Variants in DESI2 observed in about 807,000 individuals in gnomAD.
DESI2 encodes deubiquitinase DESI2.
Under a neutral mutation model 24.1 loss-of-function variants are expected in DESI2, and 10 were observed. The observed-to-expected ratio is 0.41, with a 90% CI of 0.26 to 0.70. The LOEUF is 0.70. Among genes scored for constraint, DESI2 ranks in the 30% least tolerant of loss-of-function variants. The pLI is 0.29. For synonymous variants in DESI2, 71 were observed against 87.7 expected, an observed-to-expected ratio of 0.81 and a Z score of 1.06; for missense variants, 122 against 234.9, an observed-to-expected ratio of 0.52 and a Z score of 3.14.
rs145938523 is a variant in DESI2 at position 244,674,024 on chromosome 1, T to C, written c.43-12573T>C. ...TTTTTTTTTTTTTTGAGACGGAGTCTTGCTCTGTTGCCCAGGCTGGAGTAC... is the reference window on the plus strand; with the variant it reads ...TTTTTTTTTTTTTTGAGACGGAGTCCTGCTCTGTTGCCCAGGCTGGAGTAC... On this transcript the variant is annotated intron_variant, in intron 1 of 4. Coordinates refer to ENST00000302550, the MANE Select transcript of DESI2 (RefSeq NM_016076.5). Among the ~76,000 whole-genome samples, 427 of 138,564 alleles carry C rather than the reference T, an allele frequency of 3.1e-3. 12 individuals are homozygous for C. The East Asian group carries it at 0.06, about 20-fold the overall frequency. The allele number at this position is 138,564 out of a possible 152,430, so 90.9% of individuals were successfully genotyped here. A position where few individuals can be genotyped will look rare whatever the true frequency, so the allele number is the denominator to read the frequency against.
intron 1 of DESI2, among the ~76,000 whole-genome samples, chr1:244,684,397 T>G (rs149335629): frequency 4.2e-4 from 64 of 152,352 alleles, no homozygotes; most frequent in African/African-American, 1.5e-3. Flanking sequence ...TGTTAACAGT[T>G]GAACACAGGT....
At chr1:244,691,064 T>C (rs1677009109) in intron 3 of DESI2, among the ~76,000 whole-genome samples, 1 of 152,232 alleles carries the variant, frequency 6.6e-6, no homozygotes, top group Admixed American at 6.5e-5. Context: ...CTGTCGCCTT[T>C]CCAAGGTAGT....
Position 244,704,567 on chromosome 1 carries a change from T to C in DESI2, c.352-989T>C, listed in dbSNP as rs367626837. Among the ~76,000 whole-genome samples the C allele has an allele frequency of 1.7e-4, 26 of 152,298 alleles. No homozygotes were observed. In the East Asian group the frequency reaches 3.1e-3, roughly 18 times the overall value. On this transcript the variant is annotated intron_variant, in intron 4 of 4. Transcript: ENST00000302550. ...ACTTGTATTCTATCCCGCTAGTGTC[T>C]TCAGACTGAAGCATGGCCAGGCTTC... is the stretch of plus-strand genomic sequence containing the variant.
intron 4 of DESI2, among the ~76,000 whole-genome samples, chr1:244,704,515 C>T (rs1193163690): frequency 3.4e-5 from 5 of 145,488 alleles, no homozygotes; most frequent in African/African-American, 5.1e-5. Context: ...AGCAGCAGAT[C>T]ATCAGCGGGC....
chr1:244,668,771 A>T (rs1483458400), intron 1 of DESI2, among the ~76,000 whole-genome samples: 1 of 152,236 alleles, frequency 6.6e-6, no homozygotes, highest in Non-Finnish European at 1.5e-5. Flanking sequence ...GAAGAATAAC[A>T]TGACAGTAAT....
At chr1:244,690,768 G>A (rs1676998248) in intron 3 of DESI2, among the ~76,000 whole-genome samples, 1 of 151,894 alleles carries the variant, frequency 6.6e-6, no homozygotes, top group Non-Finnish European at 1.5e-5. Context: ...TAAACTTCTG[G>A]GCCTATAATA....
intron 4 of DESI2, among the ~76,000 whole-genome samples, chr1:244,693,790 T>C (rs890852143): frequency 1.4e-4 from 21 of 152,214 alleles, no homozygotes; most frequent in African/African-American, 5.1e-4. Context: ...CAAGGTTACC[T>C]AGCCTGTTGG....
At position 244,708,353 on chromosome 1, in the gene DESI2, G is replaced by A. The variant is rs1168816738; in HGVS notation, c.*2564G>A. On this transcript the variant is annotated 3_prime_UTR_variant, in exon 5 of 5. Coordinates refer to ENST00000302550, the MANE Select transcript of DESI2 (RefSeq NM_016076.5). ...ACAAGGGGAGCATCAGCTTTGGAAA[G>A]TGTGACTCTGTAGGAGTGTAGAAGG... 1 of 152,632 alleles carries A rather than the reference G, an allele frequency of 6.6e-6. No homozygotes were observed. Among genetic ancestry groups the A allele is most frequent in the Non-Finnish European group, 1.5e-5 (1 of 68,042 alleles). The allele number at this position is 152,632 out of a possible 1,614,324, so 9.5% of individuals were successfully genotyped here.
At chr1:244,703,000 CTTTT>C (rs72210181) in intron 4 of DESI2, among the ~76,000 whole-genome samples, 19 of 131,630 alleles carry the variant, frequency 1.4e-4, no homozygotes, top group African/African-American at 4.3e-4. Context: ...TTTGCCAGCG[CTTTT>C]TTTTTTTTTT....
At chr1:244,683,662 C>T (rs1676712086) in intron 1 of DESI2, among the ~76,000 whole-genome samples, 1 of 151,970 alleles carries the variant, frequency 6.6e-6, no homozygotes, top group Non-Finnish European at 1.5e-5. Context: ...ACAAATATAT[C>T]CTGGAAATTA....
chr1:244,704,704 G>A (rs920353692), intron 4 of DESI2, among the ~76,000 whole-genome samples: 1 of 152,166 alleles, frequency 6.6e-6, no homozygotes, highest in Non-Finnish European at 1.5e-5. Context: ...TGTTGCCTAG[G>A]CTGGAGTGCA....
intron 1 of DESI2, chr1:244,653,604 G>A: frequency 1.9e-6 from 1 of 523,940 alleles, no homozygotes; most frequent in South Asian, 2.6e-5. Flanking sequence ...TCTCCCATCC[G>A]CTCAGCTTGG....
chr1:244,667,343 C>T (rs1396369188), intron 1 of DESI2, among the ~76,000 whole-genome samples: 1 of 152,032 alleles, frequency 6.6e-6, no homozygotes, highest in Non-Finnish European at 1.5e-5. Flanking sequence ...TTGGCCAAAA[C>T]AGAGGGGTTA....
At position 244,706,023 on chromosome 1, in the gene DESI2, T is replaced by C. The variant is rs892862766; in HGVS notation, c.*234T>C. The C allele has an allele frequency of 2.0e-5, 10 of 512,142 alleles. No individual in the cohort carries two copies. The highest frequency in any genetic ancestry group is 1.5e-4 in the African/African-American group (8 of 52,172). 31.7% of individuals were successfully genotyped at this position (512,142 alleles called of 1,614,324 possible). On this transcript the variant is annotated 3_prime_UTR_variant, in exon 5 of 5. Coordinates refer to ENST00000302550, the MANE Select transcript of DESI2 (RefSeq NM_016076.5). ...TTTTTTATCCACTCGTAAATCTGGA[T>C]TTATTTCTTCTGTTTTATACAAGCT...
intron 1 of DESI2, among the ~76,000 whole-genome samples, chr1:244,670,322 T>G (rs1046479630): frequency 6.6e-6 from 1 of 152,202 alleles, no homozygotes. Context: ...TGTTTGCTAT[T>G]CATTTTGGTG....
chr1:244,687,051 G>A (rs963721825), intron 2 of DESI2, among the ~76,000 whole-genome samples: 3 of 152,048 alleles, frequency 2.0e-5, no homozygotes, highest in Non-Finnish European at 4.4e-5. Flanking sequence ...AATTTTGGTC[G>A]GAAAGGTTGG....
At chr1:244,665,202 C>T (rs1186971013) in intron 1 of DESI2, among the ~76,000 whole-genome samples, 1 of 151,668 alleles carries the variant, frequency 6.6e-6, no homozygotes, top group African/African-American at 2.4e-5. Flanking sequence ...TGCCACTATA[C>T]TAAGCCATTT....
chr1:244,657,740 A>G (rs564619283), intron 1 of DESI2, among the ~76,000 whole-genome samples: 1 of 152,200 alleles, frequency 6.6e-6, no homozygotes, highest in Non-Finnish European at 1.5e-5. Flanking sequence ...TCATAATTGT[A>G]AAGTAACTGC....
intron 1 of DESI2, among the ~76,000 whole-genome samples, chr1:244,657,800 A>C (rs1278900547): frequency 6.6e-6 from 1 of 152,214 alleles, no homozygotes; most frequent in African/African-American, 2.4e-5. Flanking sequence ...AGGAAGATGG[A>C]AGAAGATAGG....
Sources: gnomAD v4.1 joint callset for allele counts (sites outside exome capture counted in the v4.1 genomes callset) on GRCh38, gnomAD v4.1.1 for gene constraint, MANE v1.5 for transcripts, NCBI Gene and HGNC (gene_info 2026-07-23, HGNC 2026-07-21) for gene names.